The following CREB3L2 variants were observed in gnomAD, a reference collection of about 807,000 sequenced individuals.
CREB3L2 encodes the protein cAMP responsive element binding protein 3 like 2.
A neutral mutation model predicts 57.2 loss-of-function variants in CREB3L2; 23 were observed. That is an observed-to-expected ratio of 0.40 (90% CI 0.29 to 0.57). The LOEUF (loss-of-function observed/expected upper bound fraction) is 0.57. Ranked by LOEUF, CREB3L2 falls within the 20% of genes least tolerant of loss-of-function variation. The pLI is 0.42. For missense variants in CREB3L2, 628 were observed against 634.7 expected (o/e 0.99, Z 0.11); for synonymous variants, 268 against 265.1 (o/e 1.01, Z -0.11).
intron 1 of CREB3L2, among the ~76,000 whole-genome samples, chr7:137,995,322 T>A (rs1235355395): frequency 6.6e-5 from 5 of 75,360 alleles, no homozygotes; most frequent in African/African-American, 2.6e-4. Flanking sequence ...TTCTTTTTTT[T>A]TCTTTTCTTT....
rs1800527344 is a variant in CREB3L2, at chr7:137,928,292, C to CCAG, written c.176_177insCTG (p.Glu59delinsAspTrp). 6.2e-7 allele frequency: 1 copy of CCAG among 1,614,168 alleles called. No homozygotes were observed. The highest frequency in any genetic ancestry group is 2.2e-5 in the East Asian group (1 of 44,882). On this transcript the variant is annotated protein_altering_variant, in exon 2 of 12. Coordinates refer to ENST00000330387, the MANE Select transcript of CREB3L2 (RefSeq NM_194071.4). ...GTTCCACCTCCATTGACACACTCTTCTCTGAGAGGAAAGGATCATTCAGGA... is the reference window on the plus strand; with the variant it reads ...GTTCCACCTCCATTGACACACTCTTCCAGTCTGAGAGGAAAGGATCATTCAGGA...
intron 1 of CREB3L2, among the ~76,000 whole-genome samples, chr7:137,972,319 T>A (rs1032481869): frequency 2.0e-5 from 3 of 151,854 alleles, no homozygotes; most frequent in Admixed American, 1.3e-4. Context: ...ACACCTATAA[T>A]CCCAGCTACT....
intron 10 of CREB3L2, 139 bp from the exon 11 acceptor site, chr7:137,882,767 A>T (rs1461516735): frequency 1.8e-6 from 1 of 555,256 alleles, no homozygotes; most frequent in East Asian, 2.9e-5. Flanking sequence ...TGCCAACAGA[A>T]TTTGGCTTTC....
At chr7:137,940,873 A>C (rs1048276121) in intron 1 of CREB3L2, among the ~76,000 whole-genome samples, 4 of 152,232 alleles carry the variant, frequency 2.6e-5, no homozygotes, top group African/African-American at 9.6e-5. Context: ...AGTGCTTGAG[A>C]GGTACAAAGT....
chr7:137,886,594 G>A (rs557178386), intron 8 of CREB3L2, among the ~76,000 whole-genome samples: 4 of 152,070 alleles, frequency 2.6e-5, no homozygotes, highest in Admixed American at 6.6e-5. Context: ...GTCAGGAAAC[G>A]AAGCCAACAT....
chr7:137,943,520 T>C (rs1320876166), intron 1 of CREB3L2, among the ~76,000 whole-genome samples: 1 of 152,168 alleles, frequency 6.6e-6, no homozygotes, highest in Non-Finnish European at 1.5e-5. Context: ...ACTACTGTAC[T>C]ACTTTCTCCT....
intron 1 of CREB3L2, among the ~76,000 whole-genome samples, chr7:137,951,399 C>A (rs1801093508): frequency 6.6e-6 from 1 of 152,086 alleles, no homozygotes; most frequent in Admixed American, 6.6e-5. Flanking sequence ...TAAACAGAAG[C>A]ACACATAAAA....
At chr7:137,982,703 T>C (rs1043508288) in intron 1 of CREB3L2, among the ~76,000 whole-genome samples, 13 of 152,160 alleles carry the variant, frequency 8.5e-5, no homozygotes, top group African/African-American at 3.1e-4. Context: ...CTTTCCTTTA[T>C]AAATTACCCA....
intron 1 of CREB3L2, chr7:137,953,629 T>C (rs1801146163): frequency 2.5e-6 from 2 of 788,526 alleles, no homozygotes; most frequent in South Asian, 1.4e-5. Flanking sequence ...CTTGTTTCAC[T>C]TGCATTGTGT....
chr7:137,991,907 CAAAA>C (rs5887864), intron 1 of CREB3L2, among the ~76,000 whole-genome samples: 3 of 136,666 alleles, frequency 2.2e-5, no homozygotes. Context: ...GACTCTGCCT[CAAAA>C]AAAAAAAAAA....
chr7:137,922,477 T>C lies in CREB3L2; in HGVS notation c.319+5673A>G, dbSNP rs868318003. The C allele has an allele frequency of 4.2e-4, 69 of 162,594 alleles. 2 individuals are homozygous for C. The highest frequency in any genetic ancestry group is 2.1e-3 in the African/African-American group (54 of 25,742). The allele number at this position is 162,594 out of a possible 1,614,324, so 10.1% of individuals were successfully genotyped here. A position where few individuals can be genotyped will look rare whatever the true frequency, so the allele number is the denominator to read the frequency against. On this transcript the variant is annotated intron_variant, in intron 2 of 11. Transcript: ENST00000330387. ...ATACACACATATATATATACACACA[T>C]ATATATATACACACACACACACACA...
At chr7:137,944,915 C>CA (rs1563261681) in intron 1 of CREB3L2, among the ~76,000 whole-genome samples, 1 of 151,442 alleles carries the variant, frequency 6.6e-6, no homozygotes, top group Non-Finnish European at 1.5e-5. Context: ...TTTTTTGAGA[C>CA]AGAGTCTTGC....
intron 2 of CREB3L2, among the ~76,000 whole-genome samples, chr7:137,924,436 A>G (rs1236056118): frequency 6.6e-6 from 1 of 152,258 alleles, no homozygotes; most frequent in East Asian, 1.9e-4. Flanking sequence ...GCAAATGCAT[A>G]CCTAGCATCC....
At chr7:137,969,568 G>T (rs1412929294) in intron 1 of CREB3L2, among the ~76,000 whole-genome samples, 1 of 151,622 alleles carries the variant, frequency 6.6e-6, no homozygotes, top group Non-Finnish European at 1.5e-5. Context: ...AACCGGGATG[G>T]TCTCAATCTC....
chr7:137,951,794 C>T (rs1801106564), intron 1 of CREB3L2, among the ~76,000 whole-genome samples: 1 of 152,130 alleles, frequency 6.6e-6, no homozygotes, highest in Non-Finnish European at 1.5e-5. Flanking sequence ...CGAGACCAGT[C>T]TGGGCAACAT....
intron 2 of CREB3L2, among the ~76,000 whole-genome samples, chr7:137,920,720 C>G (rs1800256172): frequency 6.6e-6 from 1 of 152,198 alleles, no homozygotes. Flanking sequence ...GCTGATCAGA[C>G]CTACTAGTTA....
chr7:137,956,516 C>T (rs1455380424), intron 1 of CREB3L2: 1 of 750,584 alleles, frequency 1.3e-6, no homozygotes, highest in African/African-American at 1.8e-5. Context: ...CTCTTATTCA[C>T]AAAAGCTCCT....
intron 2 of CREB3L2, among the ~76,000 whole-genome samples, chr7:137,920,892 T>C (rs1391490200): frequency 1.3e-5 from 2 of 152,160 alleles, no homozygotes; most frequent in African/African-American, 4.8e-5. Flanking sequence ...AAATATCAAA[T>C]CACAGAAAAC....
intron 1 of CREB3L2, among the ~76,000 whole-genome samples, chr7:137,941,178 C>A (rs902947030): frequency 1.3e-5 from 2 of 152,192 alleles, no homozygotes; most frequent in African/African-American, 4.8e-5. Flanking sequence ...CTAGCAGCAA[C>A]CTTGGGTCAA....
Sources: allele counts gnomAD v4.1 joint callset (sites outside exome capture counted in the v4.1 genomes callset), GRCh38; gene constraint gnomAD v4.1.1; transcripts MANE v1.5; gene names NCBI Gene and HGNC (gene_info 2026-07-23, HGNC 2026-07-21).